The following GALNT1 variants were observed in gnomAD, a reference collection of about 807,000 sequenced individuals.
GALNT1 encodes the protein polypeptide N-acetylgalactosaminyltransferase 1, also known as GalNAc transferase 1.
Under a neutral mutation model 65.7 loss-of-function variants are expected in GALNT1, and 17 were observed. The ratio of observed to expected loss-of-function variants is 0.26; its 90% confidence interval spans 0.18 to 0.39. The LOEUF (loss-of-function observed/expected upper bound fraction) is 0.39. Ranked by LOEUF, GALNT1 falls within the 10% of genes least tolerant of loss-of-function variation. The pLI is 1.00. For synonymous variants in GALNT1, 210 were observed against 219.7 expected, an observed-to-expected ratio of 0.96 and a Z score of 0.39; for missense variants, 460 against 672.8, an observed-to-expected ratio of 0.68 and a Z score of 3.50.
At chr18:35,646,980 G>C (rs1321569683) in intron 1 of GALNT1, among the ~76,000 whole-genome samples, 3 of 152,052 alleles carry the variant, frequency 2.0e-5, no homozygotes, top group Non-Finnish European at 4.4e-5. Context: ...TTCCATGATT[G>C]ACACCTTTCT....
At chr18:35,661,415 G>A (rs568092683) in intron 2 of GALNT1, among the ~76,000 whole-genome samples, 4 of 151,694 alleles carry the variant, frequency 2.6e-5, no homozygotes, top group South Asian at 2.1e-4. Context: ...AGGACAATTC[G>A]CTTGAATCTG....
intron 1 of GALNT1, among the ~76,000 whole-genome samples, chr18:35,649,089 C>G (rs932447713): frequency 6.6e-6 from 1 of 152,182 alleles, no homozygotes; most frequent in African/African-American, 2.4e-5. Context: ...TTTCCTTTCT[C>G]CTGAATAAAT....
chr18:35,647,654 TA>T (rs2047249080), intron 1 of GALNT1, among the ~76,000 whole-genome samples: 2 of 152,164 alleles, frequency 1.3e-5, no homozygotes, highest in Non-Finnish European at 2.9e-5. Flanking sequence ...TAGTATGATG[TA>T]AAACTAGTGA....
At chr18:35,697,769 G>T (rs1365352985) in intron 9 of GALNT1, among the ~76,000 whole-genome samples, 1 of 152,202 alleles carries the variant, frequency 6.6e-6, no homozygotes, top group Non-Finnish European at 1.5e-5. Flanking sequence ...GATTCAAGTA[G>T]AAAAGTTTGT....
upstream of GALNT1, chr18:35,581,079 C>A (rs1308206489): frequency 6.6e-6 from 1 of 152,144 alleles, no homozygotes; most frequent in East Asian, 1.9e-4. Context: ...GCTGACAGCG[C>A]TCCAGCTCCC....
chr18:35,584,740 T>C (rs1479641840), intron 1 of GALNT1, among the ~76,000 whole-genome samples: 1 of 152,216 alleles, frequency 6.6e-6, no homozygotes, highest in Non-Finnish European at 1.5e-5. Context: ...TTGTGCAACC[T>C]AGATCCCTCA....
chr18:35,701,777 A>G (rs2144735724), intron 9 of GALNT1, among the ~76,000 whole-genome samples: 1 of 152,316 alleles, frequency 6.6e-6, no homozygotes, highest in East Asian at 1.9e-4. Flanking sequence ...AAATGTGAAG[A>G]TGATTAAGTG....
intron 1 of GALNT1, among the ~76,000 whole-genome samples, chr18:35,636,128 C>A (rs11081915): frequency 0.22 from 34,149 of 152,068 alleles, 4,317 homozygotes; most frequent in African/African-American, 0.34. Context: ...TGACAGTCCC[C>A]TGCTTAAAAA....
At chr18:35,687,821 A>AT (rs923247952) in intron 6 of GALNT1, among the ~76,000 whole-genome samples, 3 of 152,186 alleles carry the variant, frequency 2.0e-5, no homozygotes, top group African/African-American at 7.2e-5. Context: ...CCATCCTAGA[A>AT]TTTAGCCCCA....
At chr18:35,667,507 A>G (rs1472135962) in intron 3 of GALNT1, among the ~76,000 whole-genome samples, 1 of 152,240 alleles carries the variant, frequency 6.6e-6, no homozygotes, top group Non-Finnish European at 1.5e-5. Context: ...AATAACATAA[A>G]CAATGATACT....
intron 1 of GALNT1, among the ~76,000 whole-genome samples, chr18:35,592,398 A>T (rs575416118): frequency 1.1e-4 from 16 of 152,332 alleles, no homozygotes; most frequent in South Asian, 6.2e-4. Context: ...TACAAAGAGT[A>T]TGGGCAAGAG....
rs111943751 is a variant in GALNT1 at position 35,686,951 on chromosome 18, G to A, written c.690-65G>A. On this transcript the variant is annotated intron_variant, in intron 5 of 11. Coordinates refer to ENST00000269195, the MANE Select transcript of GALNT1 (RefSeq NM_020474.4). Reference sequence around the variant, plus strand: ...AAATAAAAACACTTACTATACAATTGTTCTGTAGTTGGCATTAAACAGGAA... The same window carrying A: ...AAATAAAAACACTTACTATACAATTATTCTGTAGTTGGCATTAAACAGGAA... 14 of 1,457,434 alleles carry A rather than the reference G, an allele frequency of 9.6e-6. No homozygotes were observed. The African/African-American group carries it at 1.1e-4, about 12-fold the overall frequency. 90.3% of individuals were successfully genotyped at this position (1,457,434 alleles called of 1,614,324 possible).
At position 35,695,145 on chromosome 18, in the gene GALNT1, T is replaced by G. The variant is rs938873576; in HGVS notation, c.1299+2825T>G. Among the ~76,000 whole-genome samples the G allele has an allele frequency of 3.3e-5, 5 of 152,112 alleles. No homozygotes were observed. The East Asian group carries it at 9.6e-4, about 29-fold the overall frequency. Reference sequence around the variant, plus strand: ...CTAAACTGTACACTTGAAAACAGTTTAGATGGTAAATTTTATGTTATGTGT... The same window carrying G: ...CTAAACTGTACACTTGAAAACAGTTGAGATGGTAAATTTTATGTTATGTGT... On this transcript the variant is annotated intron_variant, in intron 9 of 11. Transcript: ENST00000269195.
chr18:35,587,773 A>G (rs917033448), intron 1 of GALNT1, among the ~76,000 whole-genome samples: 1 of 152,220 alleles, frequency 6.6e-6, no homozygotes, highest in African/African-American at 2.4e-5. Flanking sequence ...TTTTGCACTT[A>G]GATTCATGGG....
rs546530175 is a variant in GALNT1 at position 35,675,118 on chromosome 18, T to C, written c.315-2473T>C. Among the ~76,000 whole-genome samples the C allele has an allele frequency of 2.8e-4, 42 of 152,050 alleles. No individual in the cohort carries two copies. In the East Asian group the frequency reaches 3.5e-3, roughly 13 times the overall value. ...TCTGCTCATCCTCAGCTCTGTGTTC[T>C]ATGAACCCATCCCCCTACCCACTTC... is the stretch of plus-strand genomic sequence containing the variant. On this transcript the variant is annotated intron_variant, in intron 3 of 11. Transcript: ENST00000269195.
rs989658274 is a variant in GALNT1 at position 35,584,434 on chromosome 18, G to C, written c.-104+2572G>C. Among the ~76,000 whole-genome samples, 9 of 152,326 alleles carry C rather than the reference G, an allele frequency of 5.9e-5. No homozygotes were observed. In the South Asian group the frequency reaches 1.9e-3, roughly 32 times the overall value. ...GGGCTGAGGTAGAGGAGGAAGGAAA[G>C]AGGAGAGATCAGTTAAAAGAGGCAG... On this transcript the variant is annotated intron_variant, in intron 1 of 11. Coordinates refer to ENST00000269195, the MANE Select transcript of GALNT1 (RefSeq NM_020474.4).
chr18:35,590,495 A>C (rs1306734187), intron 1 of GALNT1, among the ~76,000 whole-genome samples: 1 of 152,220 alleles, frequency 6.6e-6, no homozygotes, highest in African/African-American at 2.4e-5. Flanking sequence ...CTTTAGGTTT[A>C]AGCATCATGG....
At chr18:35,635,250 G>A (rs1362695288) in intron 1 of GALNT1, among the ~76,000 whole-genome samples, 1 of 152,168 alleles carries the variant, frequency 6.6e-6, no homozygotes, top group Admixed American at 6.5e-5. Context: ...GATGTCTCTA[G>A]CCAGAGAAGC....
chr18:35,696,197 C>A (rs1052530046), intron 9 of GALNT1, among the ~76,000 whole-genome samples: 1 of 152,214 alleles, frequency 6.6e-6, no homozygotes, highest in Non-Finnish European at 1.5e-5. Flanking sequence ...GATTGGAGGT[C>A]ATTCTTAAGA....
Sources: gnomAD v4.1 joint callset for allele counts (sites outside exome capture counted in the v4.1 genomes callset) on GRCh38, gnomAD v4.1.1 for gene constraint, MANE v1.5 for transcripts, NCBI Gene and HGNC (gene_info 2026-07-23, HGNC 2026-07-21) for gene names.